The following ECE1 variants were observed in gnomAD, a reference collection of about 807,000 sequenced individuals.
The protein encoded by ECE1 is endothelin-converting enzyme 1.
A neutral mutation model predicts 98.6 loss-of-function variants in ECE1; 35 were observed. That is an observed-to-expected ratio of 0.35 (90% CI 0.27 to 0.47). The LOEUF is 0.47. ECE1 is among the 20% of genes least tolerant of loss of function. The probability of loss-of-function intolerance (pLI) is 1.00; values close to 1 mark genes in which losing one functional copy is unlikely to be tolerated. For missense variants in ECE1, 814 were observed against 1,025.3 expected, an observed-to-expected ratio of 0.79 and a Z score of 2.81; for synonymous variants, 394 against 407.1, an observed-to-expected ratio of 0.97 and a Z score of 0.39.
intron 1 of ECE1, among the ~76,000 whole-genome samples, chr1:21,311,880 T>C (rs1638732705): frequency 6.6e-6 from 1 of 151,972 alleles, no homozygotes. Context: ...TCCCAGCACT[T>C]TGGGAGGCTG....
At chr1:21,292,739 A>C (rs1638239117), upstream of ECE1, among the ~76,000 whole-genome samples, 2 of 152,186 alleles carry the variant, frequency 1.3e-5, no homozygotes, top group African/African-American at 4.8e-5. Context: ...AGTTCTCAAG[A>C]ACTCTCCTGC....
At chr1:21,251,773 G>A (rs902611065) in intron 8 of ECE1, among the ~76,000 whole-genome samples, 8 of 152,086 alleles carry the variant, frequency 5.3e-5, no homozygotes, top group South Asian at 4.1e-4. Context: ...GCCTTTTTCC[G>A]TTCTTTCTCT....
chr1:21,318,344 C>G (rs939586129), intron 1 of ECE1, among the ~76,000 whole-genome samples: 10 of 152,114 alleles, frequency 6.6e-5, no homozygotes, highest in Non-Finnish European at 1.3e-4. Context: ...AGAGTGGGAG[C>G]AGCTGTGAAA....
intron 1 of ECE1, among the ~76,000 whole-genome samples, chr1:21,309,270 A>ACCC (rs1218364413): frequency 5.3e-5 from 8 of 152,214 alleles, no homozygotes; most frequent in African/African-American, 1.9e-4. Flanking sequence ...AAGGACAGAA[A>ACCC]CTCTGGAGCC....
chr1:21,297,051 A>G (rs1340373734), intron 1 of ECE1, among the ~76,000 whole-genome samples: 1 of 152,210 alleles, frequency 6.6e-6, no homozygotes, highest in African/African-American at 2.4e-5. Flanking sequence ...TGGAGAAGGC[A>G]GCAGCCCTGC....
chr1:21,224,249 T>G (rs1435541315), intron 17 of ECE1, among the ~76,000 whole-genome samples: 1 of 152,226 alleles, frequency 6.6e-6, no homozygotes, highest in African/African-American at 2.4e-5. Context: ...TTATTCCTTT[T>G]ACCCCCCGTT....
intron 1 of ECE1, among the ~76,000 whole-genome samples, chr1:21,318,678 C>T (rs536113403): frequency 4.9e-4 from 74 of 152,228 alleles, no homozygotes; most frequent in Non-Finnish European, 6.5e-4. Context: ...TGGCAAAATC[C>T]TCCTCCCTGG....
Position 21,343,273 on chromosome 1 carries a change from C to T in ECE1, c.3+2103G>A, listed in dbSNP as rs148605123. Reference sequence around the variant, plus strand: ...ATTCAGTCAATTCTTTCCTCCCTCACATGGGGTTTGGCTTAGAGTAAGTGT... The same window carrying T: ...ATTCAGTCAATTCTTTCCTCCCTCATATGGGGTTTGGCTTAGAGTAAGTGT... On this transcript the variant is annotated intron_variant, in intron 1 of 18. Transcript: ENST00000415912. Among the ~76,000 whole-genome samples the T allele has an allele frequency of 8.5e-5, 13 of 152,354 alleles. No individual in the cohort carries two copies. The East Asian group carries it at 2.5e-3, about 29-fold the overall frequency.
chr1:21,300,432 C>T, intron 1 of ECE1, among the ~76,000 whole-genome samples: 1 of 152,094 alleles, frequency 6.6e-6, no homozygotes. Context: ...AAAGACTGCC[C>T]TGAATGACTT....
intron 1 of ECE1, among the ~76,000 whole-genome samples, chr1:21,332,739 G>T (rs1639226796): frequency 2.0e-5 from 1 of 49,522 alleles, no homozygotes; most frequent in Non-Finnish European, 4.4e-5. Context: ...GGGGAGGGGA[G>T]GGGAGGGGAG....
At chr1:21,264,961 G>T (rs539023208) in intron 4 of ECE1, among the ~76,000 whole-genome samples, 1 of 152,110 alleles carries the variant, frequency 6.6e-6, no homozygotes, top group Non-Finnish European at 1.5e-5. Flanking sequence ...CTTCCTGATC[G>T]CTGCAGCTAC....
chr1:21,252,975 G>C (rs576699164), intron 8 of ECE1, among the ~76,000 whole-genome samples: 5 of 152,340 alleles, frequency 3.3e-5, no homozygotes, highest in Non-Finnish European at 5.9e-5. Context: ...AACCCTGTGT[G>C]GCAGGCCAGG....
intron 15 of ECE1, 86 bp from the exon 16 acceptor site, chr1:21,227,312 G>C: frequency 7.4e-7 from 1 of 1,359,202 alleles, no homozygotes; most frequent in East Asian, 2.3e-5. Context: ...TCACTTCCTG[G>C]GCTTAGAGAT....
chr1:21,300,683 G>A (rs113359151), intron 1 of ECE1, among the ~76,000 whole-genome samples: 12,038 of 152,178 alleles, frequency 0.079, 1,644 homozygotes, highest in African/African-American at 0.27. Context: ...TGATCTGCCC[G>A]CCTTGGCCTC....
chr1:21,317,329 G>C (rs1281455345), intron 1 of ECE1, among the ~76,000 whole-genome samples: 1 of 152,184 alleles, frequency 6.6e-6, no homozygotes, highest in East Asian at 1.9e-4. Context: ...ACAAGGTCGT[G>C]TCTGCAAAGG....
intron 1 of ECE1, among the ~76,000 whole-genome samples, chr1:21,302,081 A>G (rs1638498393): frequency 6.6e-6 from 1 of 152,212 alleles, no homozygotes. Context: ...CCAAAACTGC[A>G]TGGCATTCTA....
At chr1:21,302,072 C>A (rs1050258873) in intron 1 of ECE1, among the ~76,000 whole-genome samples, 1 of 152,142 alleles carries the variant, frequency 6.6e-6, no homozygotes, top group Non-Finnish European at 1.5e-5. Context: ...AAGTGCGGCC[C>A]AAAACTGCAT....
intron 10 of ECE1, among the ~76,000 whole-genome samples, chr1:21,238,823 CT>C (rs955268090): frequency 1.3e-5 from 2 of 150,796 alleles, no homozygotes; most frequent in Non-Finnish European, 3.0e-5. Context: ...TTCTTTTTTT[CT>C]TTTTTTTTGG....
chr1:21,238,080 G>A (rs2098190601), intron 11 of ECE1, 54 bp downstream of exon 11: 3 of 1,524,006 alleles, frequency 2.0e-6, no homozygotes, highest in Non-Finnish European at 1.8e-6. Context: ...GCAGGTCTGT[G>A]CAGGCCACAA....
Sources: allele counts gnomAD v4.1 joint callset (sites outside exome capture counted in the v4.1 genomes callset), GRCh38; gene constraint gnomAD v4.1.1; transcripts MANE v1.5; gene names NCBI Gene and HGNC (gene_info 2026-07-23, HGNC 2026-07-21).